The following NRXN3 variants were observed in gnomAD, a reference collection of about 807,000 sequenced individuals.
The protein encoded by NRXN3 is neurexin III.
NRXN3 carries 32 observed loss-of-function variants against 137.6 expected under a neutral mutation model. That is an observed-to-expected ratio of 0.23 (90% CI 0.18 to 0.31). The LOEUF is 0.31. Among genes scored for constraint, NRXN3 ranks in the 10% least tolerant of loss-of-function variants. NRXN3 has a pLI of 1.00. For synonymous variants in NRXN3, 798 were observed against 784.5 expected, an observed-to-expected ratio of 1.02 and a Z score of -0.29; for missense variants, 1,574 against 2,062.5, an observed-to-expected ratio of 0.76 and a Z score of 4.59.
chr14:78,491,841 A>G (rs2095674248), intron 4 of NRXN3, among the ~76,000 whole-genome samples: 1 of 152,196 alleles, frequency 6.6e-6, no homozygotes, highest in Non-Finnish European at 1.5e-5. Context: ...GAATGTGTCT[A>G]TAAAATTTCC....
At chr14:78,185,022 A>G (rs745897552) in intron 1 of NRXN3, among the ~76,000 whole-genome samples, 31 of 152,238 alleles carry the variant, frequency 2.0e-4, no homozygotes, top group Non-Finnish European at 3.7e-4. Flanking sequence ...TGCCTTCTGC[A>G]AAGCCACTGC....
At chr14:79,168,612 T>C (rs1047711772) in intron 15 of NRXN3, among the ~76,000 whole-genome samples, 13 of 151,982 alleles carry the variant, frequency 8.6e-5, no homozygotes, top group African/African-American at 3.1e-4. Context: ...CAATGTTATC[T>C]CCTGTTTCTT....
At chr14:78,968,839 G>A (rs2099428871) in intron 14 of NRXN3, among the ~76,000 whole-genome samples, 1 of 152,186 alleles carries the variant, frequency 6.6e-6, no homozygotes, top group South Asian at 2.1e-4. Context: ...CCATGATGAT[G>A]GAAGGGAACT....
intron 15 of NRXN3, among the ~76,000 whole-genome samples, chr14:79,139,908 C>CATATAT (rs34927047): frequency 2.3e-4 from 33 of 143,756 alleles, no homozygotes; most frequent in African/African-American, 6.4e-4. Context: ...ATGGCATATG[C>CATATAT]ATATATATAT....
At chr14:79,335,165 T>C (rs1460694822) in intron 15 of NRXN3, among the ~76,000 whole-genome samples, 2 of 152,156 alleles carry the variant, frequency 1.3e-5, no homozygotes, top group Non-Finnish European at 2.9e-5. Flanking sequence ...TTCAAAATGT[T>C]GATTGCAGGC....
Position 78,243,088 on chromosome 14 carries a change from G to A in NRXN3, c.-6G>A, listed in dbSNP as rs1408702560. 2 of 1,508,172 alleles carry A rather than the reference G, an allele frequency of 1.3e-6. No individual in the cohort carries two copies. Among genetic ancestry groups the A allele is most frequent in the Admixed American group, 4.1e-5 (2 of 48,796 alleles). The allele number at this position is 1,508,172 out of a possible 1,614,324, so 93.4% of individuals were successfully genotyped here. ...TGCTCCTCCGGGCTCTGTCCCAGCA[G>A]CGACAATGAGCTCCACACTCCACTC... On this transcript the variant is annotated 5_prime_UTR_variant, in exon 2 of 21. Coordinates refer to ENST00000335750, the MANE Select transcript of NRXN3 (RefSeq NM_001330195.2). This position sits in a 1 kb window ranked among gnomAD's most constrained non-coding sequence, Gnocchi z 4.2.
chr14:79,426,968 T>C (rs2095663112), intron 15 of NRXN3, among the ~76,000 whole-genome samples: 1 of 152,196 alleles, frequency 6.6e-6, no homozygotes, highest in Non-Finnish European at 1.5e-5. Flanking sequence ...AAATATATAT[T>C]TTAAAGTGAC....
At chr14:79,763,302 G>C (rs1359098791) in intron 19 of NRXN3, among the ~76,000 whole-genome samples, 2 of 151,654 alleles carry the variant, frequency 1.3e-5, no homozygotes, top group Non-Finnish European at 2.9e-5. Flanking sequence ...CCAAGTCTTT[G>C]CTGTTGTGAA....
chr14:79,729,938 G>T (rs2098915666), intron 19 of NRXN3, among the ~76,000 whole-genome samples: 1 of 152,102 alleles, frequency 6.6e-6, no homozygotes, highest in Admixed American at 6.6e-5. Flanking sequence ...TGATCCATGT[G>T]AACCAAAAGC....
intron 4 of NRXN3, among the ~76,000 whole-genome samples, chr14:78,446,376 C>T (rs2094420067): frequency 6.6e-6 from 1 of 151,524 alleles, no homozygotes; most frequent in South Asian, 2.1e-4. Context: ...GTCCACTGGA[C>T]ACCCACTATG....
At chr14:78,617,462 C>G (rs1423516664) in intron 4 of NRXN3, among the ~76,000 whole-genome samples, 1 of 152,156 alleles carries the variant, frequency 6.6e-6, no homozygotes, top group African/African-American at 2.4e-5. Context: ...GACATGCTGT[C>G]CTGCAGAATG....
At chr14:79,154,701 T>A (rs578089191) in intron 15 of NRXN3, among the ~76,000 whole-genome samples, 20 of 151,972 alleles carry the variant, frequency 1.3e-4, no homozygotes, top group Admixed American at 4.6e-4. Context: ...TCATGAGACT[T>A]TGTGACGATT....
rs1321043211 is a variant in NRXN3, at chr14:79,380,847, G to C, written c.3263-86374G>C. Among the ~76,000 whole-genome samples the C allele has an allele frequency of 3.3e-5, 5 of 152,158 alleles. No homozygotes were observed. In the East Asian group the frequency reaches 7.7e-4, roughly 24 times the overall value. Reference sequence around the variant, plus strand: ...GGAAGTCAGTGTGGCGATTCCTCAGGGATCTAGAACTAGACCTAGATATAC... The same window carrying C: ...GGAAGTCAGTGTGGCGATTCCTCAGCGATCTAGAACTAGACCTAGATATAC... On this transcript the variant is annotated intron_variant, in intron 15 of 20. Transcript: ENST00000335750.
intron 15 of NRXN3, among the ~76,000 whole-genome samples, chr14:79,204,859 A>C (rs2066570741): frequency 6.6e-6 from 1 of 152,144 alleles, no homozygotes; most frequent in African/African-American, 2.4e-5. Context: ...GACAGTACTG[A>C]AAGTATGACA....
chr14:79,132,057 C>A (rs1227530986), intron 15 of NRXN3, among the ~76,000 whole-genome samples: 4 of 152,250 alleles, frequency 2.6e-5, no homozygotes, highest in African/African-American at 9.6e-5. Context: ...TGCGTGCACC[C>A]ACTGACCTGC....
chr14:78,190,610 C>CATTTATTTATTT lies in NRXN3; in HGVS notation c.-704+19970_-704+19981dup, dbSNP rs753449383. Among the ~76,000 whole-genome samples, 52 of 146,756 alleles carry CATTTATTTATTT rather than the reference C, an allele frequency of 3.5e-4. 1 individual carries two copies. The highest frequency in any genetic ancestry group is 2.2e-3 in the South Asian group (10 of 4,458). On this transcript the variant is annotated intron_variant, in intron 1 of 20. Coordinates refer to ENST00000335750, the MANE Select transcript of NRXN3 (RefSeq NM_001330195.2). ...GGAAGAATGCAGCTTGTGTCAGTAA[C>CATTTATTTATTT]ATTTATTTATTTATTTATTTATTTA...
intron 16 of NRXN3, among the ~76,000 whole-genome samples, chr14:79,604,743 C>T (rs2097979730): frequency 1.3e-5 from 2 of 152,182 alleles, no homozygotes; most frequent in South Asian, 4.2e-4. Flanking sequence ...TTAAAAACAT[C>T]ATTCAGGGTT....
At chr14:79,277,683 C>T (rs185996007) in intron 15 of NRXN3, among the ~76,000 whole-genome samples, 1 of 152,268 alleles carries the variant, frequency 6.6e-6, no homozygotes, top group African/African-American at 2.4e-5. Flanking sequence ...ATGGAATGTC[C>T]ATAAACCACC....
intron 15 of NRXN3, among the ~76,000 whole-genome samples, chr14:79,227,777 CCTTCCT>C (rs2071258027): frequency 3.2e-5 from 4 of 125,670 alleles, no homozygotes; most frequent in African/African-American, 1.1e-4. Flanking sequence ...TTCCTTCCTT[CCTTCCT>C]TCCCTCCTCC....
Sources: allele counts gnomAD v4.1 joint callset (sites outside exome capture counted in the v4.1 genomes callset), GRCh38; gene constraint gnomAD v4.1.1; non-coding constraint Gnocchi (gnomAD v3.1); transcripts MANE v1.5; gene names NCBI Gene and HGNC (gene_info 2026-07-23, HGNC 2026-07-21).